The following ADAMTSL1 variants were observed in gnomAD, a reference collection of about 807,000 sequenced individuals.
ADAMTSL1 encodes the protein ADAMTS-like protein 1.
In ADAMTSL1, 126 loss-of-function variants were observed where a neutral mutation model predicts 201.8. The ratio of observed to expected loss-of-function variants is 0.62; its 90% CI spans 0.54 to 0.72. ADAMTSL1 has a LOEUF of 0.72. Among genes scored for constraint, ADAMTSL1 ranks in the 30% least tolerant of loss-of-function variants. The pLI, the probability that ADAMTSL1 is intolerant of heterozygous loss-of-function variation, is 0.00. For missense variants in ADAMTSL1, 2,679 were observed against 2,277.8 expected (o/e 1.18, Z -3.59); for synonymous variants, 1,121 against 903.4 (o/e 1.24, Z -4.32).
intron 2 of ADAMTSL1, among the ~76,000 whole-genome samples, chr9:18,457,763 A>G (rs148246634): frequency 6.6e-6 from 1 of 152,228 alleles, no homozygotes; most frequent in African/African-American, 2.4e-5. Flanking sequence ...GAGTTAGAGA[A>G]AGTGATAATG....
chr9:18,577,134 T>C (rs775784048), intron 4 of ADAMTSL1, among the ~76,000 whole-genome samples: 1 of 152,188 alleles, frequency 6.6e-6, no homozygotes, highest in Non-Finnish European at 1.5e-5. Flanking sequence ...TTTCTTATGA[T>C]TCTATCATGG....
chr9:18,100,237 G>A (rs1291147200), intron 1 of ADAMTSL1, among the ~76,000 whole-genome samples: 2 of 152,014 alleles, frequency 1.3e-5, no homozygotes, highest in Non-Finnish European at 1.5e-5. Flanking sequence ...GGAGTTGACC[G>A]TATTATTTTT....
At chr9:18,118,853 C>T (rs1000017892) in intron 1 of ADAMTSL1, among the ~76,000 whole-genome samples, 2 of 152,146 alleles carry the variant, frequency 1.3e-5, no homozygotes, top group Non-Finnish European at 2.9e-5. Context: ...TCTAATATCC[C>T]TGTATTTTTT....
At chr9:18,901,143 T>C in intron 26 of ADAMTSL1, among the ~76,000 whole-genome samples, 1 of 141,966 alleles carries the variant, frequency 7.0e-6, no homozygotes, top group South Asian at 2.3e-4. Flanking sequence ...CCCTTTTTCT[T>C]TATTTAAAAA....
At chr9:18,806,543 T>C (rs943256128) in intron 20 of ADAMTSL1, among the ~76,000 whole-genome samples, 4 of 152,252 alleles carry the variant, frequency 2.6e-5, no homozygotes, top group African/African-American at 9.6e-5. Flanking sequence ...CAATGCTCTC[T>C]ACTCTTGGCT....
intron 2 of ADAMTSL1, among the ~76,000 whole-genome samples, chr9:18,209,341 G>T (rs1374202231): frequency 6.6e-6 from 1 of 152,086 alleles, no homozygotes. Flanking sequence ...GGTGAATATG[G>T]CACATTTATG....
chr9:18,239,156 T>C (rs1830963244), intron 2 of ADAMTSL1, among the ~76,000 whole-genome samples: 1 of 152,230 alleles, frequency 6.6e-6, no homozygotes, highest in Admixed American at 6.5e-5. Flanking sequence ...TGTTTATGGC[T>C]GCTGACTGAT....
At chr9:18,849,841 A>G (rs1054474574) in intron 23 of ADAMTSL1, among the ~76,000 whole-genome samples, 2 of 152,254 alleles carry the variant, frequency 1.3e-5, no homozygotes, top group African/African-American at 4.8e-5. Flanking sequence ...TCCTGTTTAT[A>G]TACTTTTGTA....
At chr9:18,452,574 T>A (rs556146614) in intron 2 of ADAMTSL1, among the ~76,000 whole-genome samples, 1 of 152,308 alleles carries the variant, frequency 6.6e-6, no homozygotes, top group African/African-American at 2.4e-5. Flanking sequence ...CTAAGTCAAA[T>A]TTCTTTCTAG....
intron 14 of ADAMTSL1, among the ~76,000 whole-genome samples, chr9:18,708,389 G>A (rs1197475005): frequency 6.6e-6 from 1 of 152,160 alleles, no homozygotes; most frequent in East Asian, 1.9e-4. Flanking sequence ...TGTTTTAATG[G>A]AGAGCCCTGG....
intron 2 of ADAMTSL1, among the ~76,000 whole-genome samples, chr9:18,279,776 T>C (rs1171018921): frequency 6.6e-6 from 1 of 152,206 alleles, no homozygotes; most frequent in Non-Finnish European, 1.5e-5. Flanking sequence ...TTCCATAGTT[T>C]CTTGGCAGGC....
intron 2 of ADAMTSL1, among the ~76,000 whole-genome samples, chr9:18,463,394 G>A (rs1385599865): frequency 6.6e-6 from 1 of 152,020 alleles, no homozygotes; most frequent in Non-Finnish European, 1.5e-5. Flanking sequence ...TATATGTGAT[G>A]TGAATTTTAC....
intron 2 of ADAMTSL1, among the ~76,000 whole-genome samples, chr9:18,448,752 C>T (rs1820294737): frequency 6.6e-6 from 1 of 152,042 alleles, no homozygotes. Context: ...AAGTTTTCCT[C>T]TTTCTGCAAA....
chr9:18,888,192 A>C, intron 24 of ADAMTSL1, 149 bp downstream of exon 24: 1 of 819,868 alleles, frequency 1.2e-6, no homozygotes, highest in East Asian at 2.7e-5. Flanking sequence ...ATACAGTGAG[A>C]CCCTACTTCT....
intron 10 of ADAMTSL1, among the ~76,000 whole-genome samples, chr9:18,679,152 CACAATGT>C (rs1830299587): frequency 6.6e-6 from 1 of 152,136 alleles, no homozygotes; most frequent in Non-Finnish European, 1.5e-5. Flanking sequence ...AAATCAAACT[CACAATGT>C]ACACAAAAAA....
chr9:18,020,628 C>G (rs1477871010), intron 1 of ADAMTSL1, among the ~76,000 whole-genome samples: 1 of 152,028 alleles, frequency 6.6e-6, no homozygotes, highest in Non-Finnish European at 1.5e-5. Flanking sequence ...CCCCCATGAT[C>G]CAGTTGCCTC....
chr9:18,335,650 A>G (rs1020419856), intron 2 of ADAMTSL1, among the ~76,000 whole-genome samples: 4 of 152,080 alleles, frequency 2.6e-5, no homozygotes, highest in African/African-American at 9.7e-5. Context: ...TAGCTTTCCC[A>G]CTTTAGAACC....
exon 1 of ADAMTSL1, chr9:17,906,798 C>G (rs1005006495): frequency 9.2e-5 from 14 of 152,190 alleles, no homozygotes; most frequent in Admixed American, 6.5e-4. Flanking sequence ...AGGGAGGGGT[C>G]TCGCCTGAGA....
intron 1 of ADAMTSL1, among the ~76,000 whole-genome samples, chr9:18,105,099 TTC>T (rs1164490469): frequency 2.0e-5 from 3 of 152,152 alleles, no homozygotes; most frequent in Non-Finnish European, 4.4e-5. Context: ...AGAGACTCAG[TTC>T]TATTCTAGGG....
Sources: gnomAD v4.1 joint callset for allele counts (sites outside exome capture counted in the v4.1 genomes callset) on GRCh38, gnomAD v4.1.1 for gene constraint, MANE v1.5 for transcripts, NCBI Gene and HGNC (gene_info 2026-07-23, HGNC 2026-07-21) for gene names.